The following DYRK1A variants were observed in gnomAD, a reference collection of about 807,000 sequenced individuals.
The protein encoded by DYRK1A is dual specificity tyrosine-phosphorylation-regulated kinase 1A.
In DYRK1A, 9 loss-of-function variants were observed where a neutral mutation model predicts 79.7. That is an observed-to-expected ratio of 0.11 (90% CI 0.07 to 0.20). The LOEUF (loss-of-function observed/expected upper bound fraction) is 0.20. Ranked by LOEUF, DYRK1A falls within the 10% of genes least tolerant of loss-of-function variation. The pLI, the probability that DYRK1A is intolerant of heterozygous loss-of-function variation, is 1.00. For missense variants in DYRK1A, 622 were observed against 956.0 expected, an observed-to-expected ratio of 0.65 and a Z score of 4.61; for synonymous variants, 349 against 329.7, an observed-to-expected ratio of 1.06 and a Z score of -0.63.
At chr21:37,446,273 C>T (rs2051267965) in intron 2 of DYRK1A, among the ~76,000 whole-genome samples, 1 of 152,094 alleles carries the variant, frequency 6.6e-6, no homozygotes, top group Non-Finnish European at 1.5e-5. Flanking sequence ...TTAGCCATCT[C>T]CTAAGAAGTA....
rs989880832 is a variant in DYRK1A at position 37,517,981 on chromosome 21, A to G, written c.*5450A>G. 3 of 152,132 alleles carry G rather than the reference A, an allele frequency of 2.0e-5. No individual in the cohort carries two copies. Among genetic ancestry groups the G allele is most frequent in the Admixed American group, 1.3e-4 (2 of 15,276 alleles). 9.4% of individuals were successfully genotyped at this position (152,132 alleles called of 1,614,324 possible). A position where few individuals can be genotyped will look rare whatever the true frequency, so the allele number is the denominator to read the frequency against. ...TGATTGCAGCTCACTGCAGCCTTAA[A>G]CAACTGGGCTAGGTGATCCTCCCAT... is the stretch of plus-strand genomic sequence containing the variant. On this transcript the variant is annotated 3_prime_UTR_variant, in exon 12 of 12. Transcript: ENST00000647188.
Position 37,506,296 on chromosome 21 carries a change from C to A in DYRK1A, c.1644+73C>A, listed in dbSNP as rs200322053. ...GTGGAGCAGCACTGGATGCCAGGTG[C>A]CTTTAGAATGACCGTATCATTTACC... On this transcript the variant is annotated intron_variant, in intron 11 of 11. Coordinates refer to ENST00000647188, the MANE Select transcript of DYRK1A (RefSeq NM_001347721.2). 181 of 1,612,494 alleles carry A rather than the reference C, an allele frequency of 1.1e-4. No individual in the cohort carries two copies. The African/African-American group carries it at 1.9e-3, about 17-fold the overall frequency.
At chr21:37,419,472 C>G (rs1468127918) in intron 1 of DYRK1A, 1 of 152,172 alleles carries the variant, frequency 6.6e-6, no homozygotes, top group Non-Finnish European at 1.5e-5. Flanking sequence ...CTCTTGGAGT[C>G]AGTAGTTTTC....
chr21:37,488,521 C>G (rs1008467415), intron 6 of DYRK1A: 3 of 935,948 alleles, frequency 3.2e-6, no homozygotes, highest in Admixed American at 6.2e-5. Context: ...CTGCCATGGT[C>G]TAGTTAAAAG....
rs955250559 is a variant in DYRK1A, at chr21:37,516,435, C to A, written c.*3904C>A. 1 of 152,150 alleles carries A rather than the reference C, an allele frequency of 6.6e-6. No individual in the cohort carries two copies. The highest frequency in any genetic ancestry group is 1.5e-5 in the Non-Finnish European group (1 of 68,038). 9.4% of individuals were successfully genotyped at this position (152,150 alleles called of 1,614,324 possible). On this transcript the variant is annotated 3_prime_UTR_variant, in exon 12 of 12. Coordinates refer to ENST00000647188, the MANE Select transcript of DYRK1A (RefSeq NM_001347721.2). ...CCTGGTTTCTTATCTAGGCCTGTTTCCTTGCGTGAAAACATACATCACCAA... is the reference window on the plus strand; with the variant it reads ...CCTGGTTTCTTATCTAGGCCTGTTTACTTGCGTGAAAACATACATCACCAA...
chr21:37,409,528 A>T (rs969022240), intron 1 of DYRK1A, among the ~76,000 whole-genome samples: 3 of 152,218 alleles, frequency 2.0e-5, no homozygotes, highest in African/African-American at 7.2e-5. Context: ...AGTTTAAAAA[A>T]TTGGAAGTAC....
At position 37,512,226 on chromosome 21, in the gene DYRK1A, A is replaced by ACTT; in HGVS notation, c.1965_1967dup (p.Ser657dup). ...CATGACATCCCTGTCTTCCTCAACG[A>ACTT]CTTCTTCCTCGACATCTTCCTCCTC... On this transcript the variant is annotated inframe_insertion, in exon 12 of 12. Transcript: ENST00000647188. The ACTT allele has an allele frequency of 6.2e-7, 1 of 1,614,126 alleles. No homozygotes were observed. Among genetic ancestry groups the ACTT allele is most frequent in the Non-Finnish European group, 8.5e-7 (1 of 1,180,010 alleles).
At chr21:37,385,823 T>G (rs75250259) in intron 1 of DYRK1A, among the ~76,000 whole-genome samples, 1,606 of 152,300 alleles carry the variant, frequency 0.011, 13 homozygotes, top group Middle Eastern at 0.041. Context: ...AGATTTTCCC[T>G]CTGTTTCTGC....
In DYRK1A at chr21:37,367,601, G is replaced by A. The variant is rs1035562007; in HGVS notation, c.-104G>A. On this transcript the variant is annotated 5_prime_UTR_variant, in exon 1 of 12. Transcript: ENST00000647188. ...CCGAGGCTGAGACTCACCGGAGGAA[G>A]CGGCGCGAGCGCCCCGCCATCGTCC... is the stretch of plus-strand genomic sequence containing the variant. 6.8e-6 allele frequency: 1 copy of A among 147,192 alleles called. No individual in the cohort carries two copies. Among genetic ancestry groups the A allele is most frequent in the South Asian group, 2.1e-4 (1 of 4,814 alleles). 9.1% of individuals were successfully genotyped at this position (147,192 alleles called of 1,614,324 possible).
At chr21:37,390,059 G>A (rs1158501643) in intron 1 of DYRK1A, among the ~76,000 whole-genome samples, 1 of 151,846 alleles carries the variant, frequency 6.6e-6, no homozygotes, top group Non-Finnish European at 1.5e-5. Context: ...AAAGTTCTAG[G>A]CTTGCAGTTG....
chr21:37,453,713 T>C (rs2051536663), intron 2 of DYRK1A, among the ~76,000 whole-genome samples: 1 of 152,202 alleles, frequency 6.6e-6, no homozygotes, highest in Non-Finnish European at 1.5e-5. Flanking sequence ...GTATTATAAC[T>C]CTTCCTTCCC....
chr21:37,389,289 G>A (rs2049824868), intron 1 of DYRK1A, among the ~76,000 whole-genome samples: 1 of 151,556 alleles, frequency 6.6e-6, no homozygotes, highest in African/African-American at 2.4e-5. Flanking sequence ...TCAGCCTCCT[G>A]AGTAGCTGGG....
chr21:37,369,872 ATT>A (rs2049396130), intron 1 of DYRK1A, among the ~76,000 whole-genome samples: 3 of 152,226 alleles, frequency 2.0e-5, no homozygotes, highest in Non-Finnish European at 4.4e-5. Context: ...AACTTAACAC[ATT>A]ATTGTGTGCA....
At chr21:37,421,294 G>C (rs1215080150) in intron 2 of DYRK1A, among the ~76,000 whole-genome samples, 1 of 152,008 alleles carries the variant, frequency 6.6e-6, no homozygotes, top group African/African-American at 2.4e-5. Flanking sequence ...CATTGGTGTA[G>C]TTTTTGTGAT....
chr21:37,446,222 G>A (rs2051266129), intron 2 of DYRK1A, among the ~76,000 whole-genome samples: 1 of 152,238 alleles, frequency 6.6e-6, no homozygotes, highest in Non-Finnish European at 1.5e-5. Flanking sequence ...GCCTCTCAAC[G>A]CTCTCATTTT....
At chr21:37,446,382 C>G (rs1244675253) in intron 2 of DYRK1A, among the ~76,000 whole-genome samples, 1 of 152,094 alleles carries the variant, frequency 6.6e-6, no homozygotes, top group East Asian at 1.9e-4. Flanking sequence ...CTTAAAAAAG[C>G]TAACAAGTTG....
At chr21:37,470,085 A>G (rs963308234) in intron 2 of DYRK1A, among the ~76,000 whole-genome samples, 16 of 152,290 alleles carry the variant, frequency 1.1e-4, no homozygotes, top group Admixed American at 1.0e-3. Flanking sequence ...CGGAGCTTGC[A>G]GTGAGCCGAG....
chr21:37,451,866 A>G (rs983750281), intron 2 of DYRK1A, among the ~76,000 whole-genome samples: 4 of 152,166 alleles, frequency 2.6e-5, no homozygotes, highest in Non-Finnish European at 5.9e-5. Context: ...ATGACATTTG[A>G]TCCTGGGTCT....
rs115142030 is a variant in DYRK1A, at chr21:37,410,299, A to G, written c.-76-10000A>G. Among the ~76,000 whole-genome samples the G allele has an allele frequency of 4.6e-3, 699 of 152,334 alleles. 6 individuals are homozygous for G. The highest frequency in any genetic ancestry group is 0.016 in the African/African-American group (674 of 41,592). On this transcript the variant is annotated intron_variant, in intron 1 of 11. Coordinates refer to ENST00000647188, the MANE Select transcript of DYRK1A (RefSeq NM_001347721.2). Reference sequence around the variant, plus strand: ...GAAGAGTGTTTTGTAGGCTGTGTATAGGTATTTTCTGTTTCTTCAGAATGT... The same window carrying G: ...GAAGAGTGTTTTGTAGGCTGTGTATGGGTATTTTCTGTTTCTTCAGAATGT...
Sources: gnomAD v4.1 joint callset for allele counts (sites outside exome capture counted in the v4.1 genomes callset) on GRCh38, gnomAD v4.1.1 for gene constraint, MANE v1.5 for transcripts, NCBI Gene and HGNC (gene_info 2026-07-23, HGNC 2026-07-21) for gene names.